The following TRMT10B variants were observed in gnomAD, a reference collection of about 807,000 sequenced individuals.
The protein encoded by TRMT10B is tRNA methyltransferase 10 homolog B.
In TRMT10B, 33 loss-of-function variants were observed where a neutral mutation model predicts 43.8. The ratio of observed to expected loss-of-function variants is 0.75; its 90% CI spans 0.57 to 1.01. The LOEUF (loss-of-function observed/expected upper bound fraction) is 1.01. Ranked by LOEUF, TRMT10B falls within the 50% of genes least tolerant of loss-of-function variation. TRMT10B has a pLI of 0.00. For synonymous variants in TRMT10B, 137 were observed against 130.6 expected (o/e 1.05, Z -0.34); for missense variants, 362 against 369.8 (o/e 0.98, Z 0.17).
Position 37,769,998 on chromosome 9 carries a change from C to A in TRMT10B, c.631C>A (p.Leu211Met). Reference sequence around the variant, plus strand: ...ATTTCCCTTGGAAACCCTTGTGTACCTGACTCCTGACTCAGAACACGGTAT... The same window carrying A: ...ATTTCCCTTGGAAACCCTTGTGTACATGACTCCTGACTCAGAACACGGTAT... ...SLFPLETLVY[L>M]TPDSEHALED... Residue 211 changes from leucine to methionine, a missense_variant, in exon 6 of 9, where the codon CTG becomes ATG. By Grantham distance (15) the Leu-to-Met change is conservative. Coordinates refer to ENST00000297994, the MANE Select transcript of TRMT10B (RefSeq NM_144964.4). 1 of 1,613,818 alleles carries A rather than the reference C, an allele frequency of 6.2e-7. No individual in the cohort carries two copies.
At chr9:37,771,732 A>G (rs1827604062) in intron 7 of TRMT10B, among the ~76,000 whole-genome samples, 1 of 152,202 alleles carries the variant, frequency 6.6e-6, no homozygotes, top group South Asian at 2.1e-4. Flanking sequence ...TCAAAGTATC[A>G]CCCTACAGAT....
intron 1 of TRMT10B, among the ~76,000 whole-genome samples, chr9:37,760,489 G>A (rs948847332): frequency 4.6e-5 from 7 of 152,184 alleles, no homozygotes; most frequent in African/African-American, 2.4e-5. Flanking sequence ...CACCGCACTC[G>A]AGCTTGGGTA....
At chr9:37,766,735 G>A (rs958632940) in intron 4 of TRMT10B, among the ~76,000 whole-genome samples, 12 of 152,186 alleles carry the variant, frequency 7.9e-5, no homozygotes, top group Non-Finnish European at 1.5e-4. Flanking sequence ...CCATTTGTTT[G>A]TATCCTCTTT....
chr9:37,776,279 CAGA>C lies in TRMT10B; in HGVS notation c.721_723del (p.Lys241del). ...AGAAAAATATTTAACTATATATTTA[CAGA>C]AGGTGACATTTCAAAAGGCCCGGGA... On this transcript the variant is annotated splice_acceptor_variant and coding_sequence_variant, in exon 8 of 9. Coordinates refer to ENST00000297994, the MANE Select transcript of TRMT10B (RefSeq NM_144964.4). LOFTEE classifies it high-confidence loss of function. 3 of 1,513,546 alleles carry C rather than the reference CAGA, an allele frequency of 2.0e-6. No individual in the cohort carries two copies. The highest frequency in any genetic ancestry group is 1.3e-5 in the South Asian group (1 of 74,818). The allele number at this position is 1,513,546 out of a possible 1,614,324, so 93.8% of individuals were successfully genotyped here.
chr9:37,771,329 C>T (rs931141047), intron 7 of TRMT10B, among the ~76,000 whole-genome samples: 1 of 152,094 alleles, frequency 6.6e-6, no homozygotes, highest in African/African-American at 2.4e-5. Context: ...TCTTTCCTAC[C>T]TTTGTCTCCC....
rs924351453 is a variant in TRMT10B, at chr9:37,770,744, G to A, written c.720+5G>A. On this transcript the variant is annotated splice_donor_5th_base_variant and intron_variant, in intron 7 of 8. Transcript: ENST00000297994. Reference sequence around the variant, plus strand: ...GTGGATGAAAGCATTCAGAAGGTAAGTATACATTTCAGCCCCAACATCTGT... The same window carrying A: ...GTGGATGAAAGCATTCAGAAGGTAAATATACATTTCAGCCCCAACATCTGT... The A allele has an allele frequency of 3.1e-6, 5 of 1,613,100 alleles. No individual in the cohort carries two copies. The African/African-American group carries it at 4.0e-5, about 13-fold the overall frequency.
chr9:37,762,113 G>A lies in TRMT10B; in HGVS notation c.182G>A (p.Cys61Tyr), dbSNP rs1208195974. The A allele has an allele frequency of 6.2e-6, 10 of 1,612,334 alleles. No individual in the cohort carries two copies. The Admixed American group carries it at 1.5e-4, about 24-fold the overall frequency. Residue 61 changes from cysteine (C) to tyrosine (Y), a missense_variant, in exon 2 of 9, where the codon TGC becomes TAC. By Grantham distance (194) the Cys-to-Tyr change is radical. Transcript: ENST00000297994. Reference sequence around the variant, plus strand: ...CTGGCCACAGGCAGTACGGCATGGTGCTCGGTGAGTGCGTGAATTGCCTGG... The same window carrying A: ...CTGGCCACAGGCAGTACGGCATGGTACTCGGTGAGTGCGTGAATTGCCTGG... ...EILATGSTAWCSKNVQRKQRH... is the reference protein window; with the variant it reads ...EILATGSTAWYSKNVQRKQRH...
chr9:37,778,333 G>A lies in TRMT10B; in HGVS notation c.*626G>A, dbSNP rs1450065415. On this transcript the variant is annotated 3_prime_UTR_variant, in exon 9 of 9. Coordinates refer to ENST00000297994, the MANE Select transcript of TRMT10B (RefSeq NM_144964.4). Reference sequence around the variant, plus strand: ...AGTTCCAGACCAGCCTGGCTAATATGGTGAAACCTCGTCTCTACTAAAAAT... The same window carrying A: ...AGTTCCAGACCAGCCTGGCTAATATAGTGAAACCTCGTCTCTACTAAAAAT... 6.6e-6 allele frequency: 1 copy of A among 152,304 alleles called. No individual in the cohort carries two copies. The highest frequency in any genetic ancestry group is 1.5e-5 in the Non-Finnish European group (1 of 68,188). 9.4% of individuals were successfully genotyped at this position (152,304 alleles called of 1,614,324 possible).
rs1828387488 is a variant in TRMT10B, at chr9:37,778,202, T to C, written c.*495T>C. 1 of 154,618 alleles carries C rather than the reference T, an allele frequency of 6.5e-6. No homozygotes were observed. Among genetic ancestry groups the C allele is most frequent in the Admixed American group, 6.4e-5 (1 of 15,532 alleles). 9.6% of individuals were successfully genotyped at this position (154,618 alleles called of 1,614,324 possible). A position where few individuals can be genotyped will look rare whatever the true frequency, so the allele number is the denominator to read the frequency against. ...CCCATAGTGCCTGGCTCACAGGAAG[T>C]GCTCAGATATGTTAAGTAATAAAAA... On this transcript the variant is annotated 3_prime_UTR_variant, in exon 9 of 9. Transcript: ENST00000297994.
chr9:37,770,059 C>G (rs770632901), intron 6 of TRMT10B, 40 bp downstream of exon 6: 5 of 1,538,540 alleles, frequency 3.2e-6, no homozygotes, highest in Non-Finnish European at 4.5e-6. Context: ...GCCCATTGTT[C>G]CTGTGTTTCA....
upstream of TRMT10B, among the ~76,000 whole-genome samples, chr9:37,753,158 G>C (rs189122919): frequency 1.9e-3 from 294 of 152,002 alleles, 2 homozygotes; most frequent in Non-Finnish European, 1.8e-3. Flanking sequence ...AAGCTAGCGA[G>C]ACCATGAACC....
At chr9:37,765,930 G>GTT (rs36167672) in intron 4 of TRMT10B, among the ~76,000 whole-genome samples, 1,676 of 143,180 alleles carry the variant, frequency 0.012, 22 homozygotes, top group African/African-American at 0.033. Context: ...TTTTTGATGG[G>GTT]TTTTTTTTTT....
chr9:37,761,132 A>G (rs947422518), intron 1 of TRMT10B, among the ~76,000 whole-genome samples: 2 of 152,212 alleles, frequency 1.3e-5, no homozygotes, highest in Non-Finnish European at 2.9e-5. Context: ...ATGTCACTCT[A>G]CTATATACAT....
At chr9:37,763,580 T>C in intron 3 of TRMT10B, 49 bp from the exon 4 acceptor site, 2 of 1,542,714 alleles carry the variant, frequency 1.3e-6, no homozygotes, top group Non-Finnish European at 1.8e-6. Context: ...TCTTATATAA[T>C]ATTCCTCTGG....
rs754389446 is a variant in TRMT10B at position 37,761,921 on chromosome 9, G to A, written c.-11G>A. 9.9e-6 allele frequency: 16 copies of A among 1,609,236 alleles called. No homozygotes were observed. In the South Asian group the frequency reaches 1.3e-4, roughly 13 times the overall value. On this transcript the variant is annotated 5_prime_UTR_variant, in exon 2 of 9. Transcript: ENST00000297994. ...TTTCCAGTCTGGTGGAAAGGACAGA[G>A]GACTAAGTCCATGGACTGGAAATTG...
intron 7 of TRMT10B, among the ~76,000 whole-genome samples, chr9:37,773,274 ATTTT>A (rs3076727): frequency 6.9e-6 from 1 of 144,830 alleles, no homozygotes; most frequent in African/African-American, 2.6e-5. Context: ...TGGCCAGCTA[ATTTT>A]TTTTTTTTTT....
chr9:37,763,501 GA>G, intron 3 of TRMT10B, 127 bp from the exon 4 acceptor site: 1 of 742,662 alleles, frequency 1.3e-6, no homozygotes, highest in Non-Finnish European at 2.2e-6. Context: ...ATCTTCTAAT[GA>G]ACGAATACCT....
intron 4 of TRMT10B, among the ~76,000 whole-genome samples, chr9:37,765,043 G>A (rs1430575738): frequency 2.0e-5 from 3 of 152,084 alleles, no homozygotes; most frequent in African/African-American, 7.2e-5. Context: ...TCCATGGGCT[G>A]GCAGGGAACC....
intron 1 of TRMT10B, among the ~76,000 whole-genome samples, chr9:37,760,055 GT>G (rs989274383): frequency 3.3e-5 from 5 of 152,176 alleles, no homozygotes; most frequent in African/African-American, 1.2e-4. Context: ...GCCAGGTGCG[GT>G]GGTTCACACA....
Sources: allele counts gnomAD v4.1 joint callset (sites outside exome capture counted in the v4.1 genomes callset), GRCh38; gene constraint gnomAD v4.1.1; transcripts MANE v1.5; gene names NCBI Gene and HGNC (gene_info 2026-07-23, HGNC 2026-07-21).